The following APBB2 variants were observed in gnomAD, a reference collection of about 807,000 sequenced individuals.
APBB2 encodes Fe65-like 1.
Under a neutral mutation model 82.5 loss-of-function variants are expected in APBB2, and 38 were observed. The observed-to-expected ratio is 0.46, with a 90% confidence interval of 0.36 to 0.60. The LOEUF is 0.60. Among genes scored for constraint, APBB2 ranks in the 20% least tolerant of loss-of-function variants. The probability of loss-of-function intolerance (pLI) is 0.00; values close to 1 mark genes in which losing one functional copy is unlikely to be tolerated. For synonymous variants in APBB2, 341 were observed against 368.2 expected, an observed-to-expected ratio of 0.93 and a Z score of 0.85; for missense variants, 772 against 972.3, an observed-to-expected ratio of 0.79 and a Z score of 2.74.
chr4:41,029,503 G>T (rs1715837228), intron 5 of APBB2, among the ~76,000 whole-genome samples: 1 of 152,148 alleles, frequency 6.6e-6, no homozygotes. Context: ...CCACTTGAGG[G>T]TTTCTTGTGT....
intron 5 of APBB2, among the ~76,000 whole-genome samples, chr4:41,031,710 T>C (rs963624496): frequency 1.3e-5 from 2 of 152,238 alleles, no homozygotes; most frequent in African/African-American, 2.4e-5. Flanking sequence ...AATGTTTTCA[T>C]ACTAGAGTAC....
intron 10 of APBB2, among the ~76,000 whole-genome samples, chr4:40,914,696 T>C (rs1779418601): frequency 6.6e-6 from 1 of 152,264 alleles, no homozygotes; most frequent in African/African-American, 2.4e-5. Flanking sequence ...GTATTTCCTC[T>C]AGGAGCAATG....
intron 12 of APBB2, among the ~76,000 whole-genome samples, chr4:40,882,646 G>T (rs1313866426): frequency 1.3e-5 from 2 of 152,206 alleles, no homozygotes; most frequent in African/African-American, 4.8e-5. Flanking sequence ...ACAGTCACCA[G>T]AGTCTAACAG....
Position 40,960,446 on chromosome 4 carries a change from G to GTTTTTTTTTTTTTTTTTTTTTTTTTT in APBB2, c.836-15374_836-15373insAAAAAAAAAAAAAAAAAAAAAAAAAA, listed in dbSNP as rs371607683. Among the ~76,000 whole-genome samples the GTTTTTTTTTTTTTTTTTTTTTTTTTT allele has an allele frequency of 1.7e-5, 2 of 120,544 alleles. 1 individual carries two copies. The highest frequency in any genetic ancestry group is 3.3e-5 in the Non-Finnish European group (2 of 60,078). 79.1% of individuals were successfully genotyped at this position (120,544 alleles called of 152,430 possible). Reference sequence around the variant, plus strand: ...CATCAAAAACAGAAATTTTTTTTCGGGTTTTTTTTTTTTTTTTTTGAGACG... The same window carrying GTTTTTTTTTTTTTTTTTTTTTTTTTT: ...CATCAAAAACAGAAATTTTTTTTCGGTTTTTTTTTTTTTTTTTTTTTTTTTTGTTTTTTTTTTTTTTTTTTGAGACG... On this transcript the variant is annotated intron_variant, in intron 6 of 17. Transcript: ENST00000508593.
chr4:40,953,541 C>G (rs1177375845), intron 6 of APBB2, among the ~76,000 whole-genome samples: 2 of 152,054 alleles, frequency 1.3e-5, no homozygotes. Flanking sequence ...AAAATGAGAA[C>G]ACTTCCAACT....
At chr4:40,912,578 T>TAA (rs35548187) in intron 10 of APBB2, among the ~76,000 whole-genome samples, 1,265 of 124,896 alleles carry the variant, frequency 0.01, 16 homozygotes, top group Non-Finnish European at 0.014. Context: ...TTCCTTCTCA[T>TAA]AAAAAAAAAA....
At chr4:40,877,520 A>G (rs1406440679) in intron 12 of APBB2, among the ~76,000 whole-genome samples, 1 of 152,196 alleles carries the variant, frequency 6.6e-6, no homozygotes, top group Non-Finnish European at 1.5e-5. Context: ...AGATACTTTC[A>G]ATCTGAACTA....
intron 10 of APBB2, among the ~76,000 whole-genome samples, chr4:40,922,159 G>C (rs1011176210): frequency 6.6e-6 from 1 of 152,160 alleles, no homozygotes; most frequent in Non-Finnish European, 1.5e-5. Flanking sequence ...TCATCTAACC[G>C]AACTGCTTCA....
chr4:40,922,442 C>T (rs1039964855), intron 10 of APBB2, among the ~76,000 whole-genome samples: 16 of 152,162 alleles, frequency 1.1e-4, no homozygotes, highest in Admixed American at 5.2e-4. Flanking sequence ...GGAAGGCTGA[C>T]TACTGAAATG....
chr4:40,864,631 T>C (rs945140644), intron 12 of APBB2, among the ~76,000 whole-genome samples: 4 of 152,132 alleles, frequency 2.6e-5, no homozygotes, highest in Non-Finnish European at 5.9e-5. Context: ...CATAGCTCAT[T>C]TTCTTTATGC....
chr4:41,083,166 A>C (rs1460054803), intron 3 of APBB2, among the ~76,000 whole-genome samples: 1 of 152,122 alleles, frequency 6.6e-6, no homozygotes, highest in African/African-American at 2.4e-5. Flanking sequence ...CTTTGTCTCA[A>C]TACATAAATA....
chr4:40,926,282 C>T (rs1425128177), intron 10 of APBB2, among the ~76,000 whole-genome samples: 1 of 152,142 alleles, frequency 6.6e-6, no homozygotes, highest in Non-Finnish European at 1.5e-5. Context: ...GCAAATGAAT[C>T]AGAATTTGCC....
intron 4 of APBB2, among the ~76,000 whole-genome samples, chr4:41,053,044 C>T (rs1726626990): frequency 6.6e-6 from 1 of 152,220 alleles, no homozygotes. Flanking sequence ...GGATTACAGG[C>T]GTAGGCCACC....
intron 2 of APBB2, among the ~76,000 whole-genome samples, chr4:41,121,013 G>A (rs1260806543): frequency 3.3e-5 from 5 of 152,220 alleles, no homozygotes; most frequent in African/African-American, 1.2e-4. Context: ...GGATATCACA[G>A]AAGCTGCTGA....
chr4:41,147,481 CTTTTTTTTT>C (rs558746840), intron 1 of APBB2, among the ~76,000 whole-genome samples: 1 of 103,110 alleles, frequency 9.7e-6, no homozygotes, highest in Non-Finnish European at 1.9e-5. Flanking sequence ...GTTTGGCCAG[CTTTTTTTTT>C]TTTTTTTTTT....
At chr4:41,148,946 C>T (rs1028783231) in intron 1 of APBB2, among the ~76,000 whole-genome samples, 2 of 152,118 alleles carry the variant, frequency 1.3e-5, no homozygotes, top group African/African-American at 4.8e-5. Context: ...ACGTCTGCTT[C>T]AATACAATGA....
At chr4:41,143,424 C>A (rs956791992) in intron 1 of APBB2, among the ~76,000 whole-genome samples, 10 of 152,176 alleles carry the variant, frequency 6.6e-5, no homozygotes, top group Non-Finnish European at 1.2e-4. Flanking sequence ...ATGGAAAACA[C>A]AAGCTACAAC....
chr4:41,037,561 C>T (rs1344970131), intron 4 of APBB2, among the ~76,000 whole-genome samples: 1 of 152,120 alleles, frequency 6.6e-6, no homozygotes, highest in Non-Finnish European at 1.5e-5. Flanking sequence ...ACAGGGTAGT[C>T]CTAAGGACTG....
Position 40,934,482 on chromosome 4 carries a change from T to C in APBB2, c.1228A>G (p.Ser410Gly). The change falls in exon 10 of 18, where the codon AGT becomes GGT. Residue 410 changes from serine to glycine, a missense_variant. Physicochemically the swap from Ser to Gly is moderately conservative, Grantham distance 56. Transcript: ENST00000508593. ...APHPDDDDSC[S>G]INSDPEAKCF... ...TTGGCTTCTGGGTCACTGTTGATAC[T>C]ACAAGAATCATCATCATCAGGGTGT... 1.2e-6 allele frequency: 2 copies of C among 1,614,206 alleles called. No homozygotes were observed. Among genetic ancestry groups the C allele is most frequent in the Non-Finnish European group, 1.7e-6 (2 of 1,180,024 alleles).
Sources: gnomAD v4.1 joint callset for allele counts (sites outside exome capture counted in the v4.1 genomes callset) on GRCh38, gnomAD v4.1.1 for gene constraint, MANE v1.5 for transcripts, NCBI Gene and HGNC (gene_info 2026-07-23, HGNC 2026-07-21) for gene names.